The following MRC2 variants were observed in gnomAD, a reference collection of about 807,000 sequenced individuals.
The protein encoded by MRC2 is mannose receptor C-type 2, also known as C-type mannose receptor 2.
A neutral mutation model predicts 206.2 loss-of-function variants in MRC2; 84 were observed. The observed-to-expected ratio is 0.41, with a 90% CI of 0.34 to 0.49. MRC2 has a LOEUF of 0.49. Among genes scored for constraint, MRC2 ranks in the 20% least tolerant of loss-of-function variants. MRC2 has a pLI of 0.31. For synonymous variants in MRC2, 798 were observed against 800.0 expected, an observed-to-expected ratio of 1.00 and a Z score of 0.04; for missense variants, 1,676 against 2,001.5, an observed-to-expected ratio of 0.84 and a Z score of 3.10.
intron 1 of MRC2, among the ~76,000 whole-genome samples, chr17:62,629,003 G>A (rs575953203): frequency 6.0e-4 from 92 of 152,322 alleles, no homozygotes; most frequent in African/African-American, 2.1e-3. Flanking sequence ...CTGGCGTGAC[G>A]TAGGCACAAG....
rs548450310 is a variant in MRC2, at chr17:62,656,791, C to T, written c.119-7757C>T. ...AGGAGCCCAGCTGGCTGCAGATGAT[C>T]CTGAGTGTTTCACAGAATGGAGGAA... On this transcript the variant is annotated intron_variant, in intron 1 of 29. Coordinates refer to ENST00000303375, the MANE Select transcript of MRC2 (RefSeq NM_006039.5). 2.0e-5 allele frequency among the ~76,000 whole-genome samples: 3 copies of T among 152,280 alleles called. No individual in the cohort carries two copies. The Middle Eastern group carries it at 0.01, about 518-fold the overall frequency.
rs1339682053 is a variant in MRC2, at chr17:62,676,436, T to G, written c.1739T>G (p.Phe580Cys). Residue 580 changes from phenylalanine (F) to cysteine (C), a missense_variant, in exon 11 of 30, where the codon TTC becomes TGC. This residue lies in a region of MRC2 where 1,354 missense variants were observed against 1,636.6 expected (regional missense o/e 0.83). Coordinates refer to ENST00000303375, the MANE Select transcript of MRC2 (RefSeq NM_006039.5). Reference protein sequence around the residue: ...SLIYNWEGEYFWTALQDLNST... With the variant: ...SLIYNWEGEYCWTALQDLNST... ...ATCTACAACTGGGAGGGCGAGTACTTCTGGACGGCCCTGCAGGACCTCAAC... is the reference window on the plus strand; with the variant it reads ...ATCTACAACTGGGAGGGCGAGTACTGCTGGACGGCCCTGCAGGACCTCAAC... 6.2e-7 allele frequency: 1 copy of G among 1,614,048 alleles called. No homozygotes were observed. The highest frequency in any genetic ancestry group is 1.7e-5 in the Admixed American group (1 of 60,002).
intron 1 of MRC2, among the ~76,000 whole-genome samples, chr17:62,662,495 T>G (rs1338031391): frequency 6.6e-6 from 1 of 152,226 alleles, no homozygotes; most frequent in African/African-American, 2.4e-5. Flanking sequence ...TGCCAGATCC[T>G]GTTCCAAATG....
chr17:62,677,162 A>C lies in MRC2; in HGVS notation c.1835-107A>C. 9.8e-6 allele frequency: 9 copies of C among 921,606 alleles called. No homozygotes were observed. In the South Asian group the frequency reaches 1.6e-4, roughly 16 times the overall value. 57.1% of individuals were successfully genotyped at this position (921,606 alleles called of 1,614,324 possible). ...AGAGCATGTCTCTGAAGAGGTGGCC[A>C]AGCTGGTTCCCAGTGTGAGGGCCGT... On this transcript the variant is annotated intron_variant, in intron 11 of 29. Coordinates refer to ENST00000303375, the MANE Select transcript of MRC2 (RefSeq NM_006039.5).
intron 1 of MRC2, among the ~76,000 whole-genome samples, chr17:62,632,785 G>A (rs1382576630): frequency 6.6e-6 from 1 of 152,128 alleles, no homozygotes; most frequent in Non-Finnish European, 1.5e-5. Flanking sequence ...TGGCCTCTCT[G>A]TTTATCTCCT....
chr17:62,691,273 CG>C, intron 28 of MRC2, 145 bp downstream of exon 28: 1 of 944,488 alleles, frequency 1.1e-6, no homozygotes, highest in Non-Finnish European at 1.5e-6. Flanking sequence ...CTGGGACCCC[CG>C]GGATAAATTA....
chr17:62,669,175 T>C (rs1382995330), intron 6 of MRC2, among the ~76,000 whole-genome samples: 1 of 151,898 alleles, frequency 6.6e-6, no homozygotes, highest in African/African-American at 2.4e-5. Flanking sequence ...CTTCTGCTCC[T>C]GACCATGGAA....
rs756177832 is a variant in MRC2, at chr17:62,676,472, C to A, written c.1775C>A (p.Ser592Tyr). Residue 592 changes from serine (S) to tyrosine (Y), a missense_variant, in exon 11 of 30, where the codon TCC becomes TAC. Transcript: ENST00000303375. Reference sequence around the variant, plus strand: ...CTGCAGGACCTCAACAGCACCGGCTCCTTCTTCTGGCTCAGTGGGGATGAA... The same window carrying A: ...CTGCAGGACCTCAACAGCACCGGCTACTTCTTCTGGCTCAGTGGGGATGAA... ...TALQDLNSTG[S>Y]FFWLSGDEVM... The A allele has an allele frequency of 2.5e-6, 4 of 1,613,160 alleles. No homozygotes were observed. In the African/African-American group the frequency reaches 5.3e-5, roughly 22 times the overall value.
Position 62,652,767 on chromosome 17 carries a change from TGGGGGGGTGCACGATGGCAG to T in MRC2, c.119-11776_119-11757del, listed in dbSNP as rs1046584674. Among the ~76,000 whole-genome samples, 3 of 48,922 alleles carry T rather than the reference TGGGGGGGTGCACGATGGCAG, an allele frequency of 6.1e-5. No homozygotes were observed. The highest frequency in any genetic ancestry group is 2.4e-4 in the African/African-American group (3 of 12,422). The allele number at this position is 48,922 out of a possible 152,430, so 32.1% of individuals were successfully genotyped here. On this transcript the variant is annotated intron_variant, in intron 1 of 29. Coordinates refer to ENST00000303375, the MANE Select transcript of MRC2 (RefSeq NM_006039.5). The surrounding 1 kb of genome is among the most constrained non-coding windows in gnomAD (Gnocchi z 4.6). ...CGGTGACAGAGGAAGTGGCGCCGCT[TGGGGGGGTGCACGATGGCAG>T]GGGGAGGGGTGCTCGGTGGAGGGAG...
At chr17:62,629,613 T>C (rs1375453955) in intron 1 of MRC2, among the ~76,000 whole-genome samples, 1 of 152,188 alleles carries the variant, frequency 6.6e-6, no homozygotes, top group Non-Finnish European at 1.5e-5. Flanking sequence ...TGCAGGTTCC[T>C]TCCCTCGGAA....
chr17:62,684,200 TTAAA>T (rs2089005631), intron 20 of MRC2, among the ~76,000 whole-genome samples: 1 of 152,220 alleles, frequency 6.6e-6, no homozygotes, highest in South Asian at 2.1e-4. Context: ...TGGCTATAGA[TTAAA>T]TATGCCTCAC....
chr17:62,634,978 G>T (rs955547207), intron 1 of MRC2, among the ~76,000 whole-genome samples: 2 of 151,800 alleles, frequency 1.3e-5, no homozygotes, highest in Admixed American at 1.3e-4. Context: ...CTACAGGCAC[G>T]TGCCACCACG....
In MRC2 at chr17:62,692,352, T is replaced by G; in HGVS notation, c.4341T>G (p.Phe1447Leu). The G allele has an allele frequency of 6.3e-7, 1 of 1,575,136 alleles. No individual in the cohort carries two copies. The highest frequency in any genetic ancestry group is 8.6e-7 in the Non-Finnish European group (1 of 1,160,396). The change falls in exon 30 of 30, where the codon TTT becomes TTG. Residue 1447 changes from phenylalanine to leucine, a missense_variant. This residue lies in a region of MRC2 where 1,354 missense variants were observed against 1,636.6 expected (regional missense o/e 0.83). Coordinates refer to ENST00000303375, the MANE Select transcript of MRC2 (RefSeq NM_006039.5). This position sits in a 1 kb window ranked among gnomAD's most constrained non-coding sequence, Gnocchi z 4.2. ...GCCAGAGCATCGAGCGCGGGGCCTT[T>G]GAGGGTGCCCGCTACAGCCGCAGCA... ...RRRQSIERGA[F>L]EGARYSRSSS...
At chr17:62,645,409 AAT>A (rs1416502671) in intron 1 of MRC2, among the ~76,000 whole-genome samples, 2 of 148,922 alleles carry the variant, frequency 1.3e-5, no homozygotes, top group Admixed American at 6.8e-5. Flanking sequence ...TCATCTCAAA[AAT>A]ATATATATAT....
chr17:62,690,906 G>T (rs1234509757), intron 27 of MRC2, 43 bp from the exon 28 acceptor site: 2 of 1,526,676 alleles, frequency 1.3e-6, no homozygotes, highest in South Asian at 2.5e-5. Context: ...ACCTACTCCT[G>T]CCCCACCTTG....
chr17:62,647,894 A>C (rs2088509394), intron 1 of MRC2, among the ~76,000 whole-genome samples: 1 of 152,154 alleles, frequency 6.6e-6, no homozygotes, highest in Non-Finnish European at 1.5e-5. Flanking sequence ...CCAACTACCC[A>C]GCGGGCAGCA....
intron 1 of MRC2, among the ~76,000 whole-genome samples, chr17:62,658,778 A>G (rs1156708122): frequency 6.6e-6 from 1 of 152,208 alleles, no homozygotes; most frequent in Non-Finnish European, 1.5e-5. Flanking sequence ...TTCCGGCCCC[A>G]GGCCCCTTTG....
At chr17:62,662,057 G>T (rs1470282812) in intron 1 of MRC2, among the ~76,000 whole-genome samples, 2 of 152,062 alleles carry the variant, frequency 1.3e-5, no homozygotes, top group Non-Finnish European at 2.9e-5. Context: ...AGATCAGACT[G>T]GGCAACATGG....
chr17:62,680,941 T>G lies in MRC2; in HGVS notation c.2615T>G (p.Leu872Arg). 1 of 1,613,056 alleles carries G rather than the reference T, an allele frequency of 6.2e-7. No individual in the cohort carries two copies. The highest frequency in any genetic ancestry group is 8.5e-7 in the Non-Finnish European group (1 of 1,179,844). The change falls in exon 17 of 30, where the codon CTG becomes CGG. Residue 872 changes from leucine to arginine, a missense_variant. This residue lies in a region of MRC2 where 1,354 missense variants were observed against 1,636.6 expected (regional missense o/e 0.83). Transcript: ENST00000303375. This position sits in a 1 kb window ranked among gnomAD's most constrained non-coding sequence, Gnocchi z 4.8. Reference protein sequence around the residue: ...SVHSQAELDFLSHNLQKFSRA... With the variant: ...SVHSQAELDFRSHNLQKFSRA... ...CACAGCCAGGCGGAGCTAGACTTCC[T>G]GAGCCACAACTTGCAGAAGGTGGGC... is the stretch of plus-strand genomic sequence containing the variant.
Sources: allele counts gnomAD v4.1 joint callset (sites outside exome capture counted in the v4.1 genomes callset), GRCh38; gene constraint gnomAD v4.1.1; regional missense constraint gnomAD v4.1.1; non-coding constraint Gnocchi (gnomAD v3.1); transcripts MANE v1.5; gene names NCBI Gene and HGNC (gene_info 2026-07-23, HGNC 2026-07-21).